The following LOXHD1 variants were observed in gnomAD, a reference collection of about 807,000 sequenced individuals.
The protein encoded by LOXHD1 is lipoxygenase homology domain-containing protein 1.
LOXHD1 carries 205 observed loss-of-function variants against 248.2 expected under a neutral mutation model. The observed-to-expected ratio is 0.83, with a 90% CI of 0.74 to 0.93. The LOEUF is 0.93. Ranked by LOEUF, LOXHD1 falls within the 40% of genes least tolerant of loss-of-function variation. The pLI, the probability that LOXHD1 is intolerant of heterozygous loss-of-function variation, is 0.00. For missense variants in LOXHD1, 2,930 were observed against 2,971.6 expected (o/e 0.99, Z 0.33); for synonymous variants, 1,113 against 1,162.8 (o/e 0.96, Z 0.87).
chr18:46,495,548 T>C (rs117856279), intron 37 of LOXHD1, among the ~76,000 whole-genome samples: 2 of 152,338 alleles, frequency 1.3e-5, no homozygotes, highest in East Asian at 3.9e-4. Context: ...GTATCCACTA[T>C]TCAATGTTAG....
chr18:46,550,579 C>CAAAAAAAAAAAAAAA (rs754046200), intron 21 of LOXHD1, among the ~76,000 whole-genome samples: 3 of 45,470 alleles, frequency 6.6e-5, no homozygotes, highest in African/African-American at 1.5e-4. Context: ...GACTCCGTCT[C>CAAAAAAAAAAAAAAA]AAAAAAAAAA....
At chr18:46,588,738 T>C (rs143848847) in intron 12 of LOXHD1, among the ~76,000 whole-genome samples, 1 of 152,328 alleles carries the variant, frequency 6.6e-6, no homozygotes, top group African/African-American at 2.4e-5. Context: ...CTCTCTGGTG[T>C]CCTCTCTCTG....
At chr18:46,573,285 C>T (rs2037791884) in intron 14 of LOXHD1, among the ~76,000 whole-genome samples, 3 of 152,128 alleles carry the variant, frequency 2.0e-5, no homozygotes, top group Admixed American at 2.0e-4. Flanking sequence ...GGTCATCCAC[C>T]AGGCGGAAAG....
intron 33 of LOXHD1, chr18:46,520,154 G>A (rs940344938): frequency 2.0e-5 from 9 of 454,552 alleles, no homozygotes; most frequent in South Asian, 3.1e-5. Flanking sequence ...TATAGAAAGT[G>A]CTGCTCTCTG....
At chr18:46,582,088 A>T (rs989110803) in intron 12 of LOXHD1, among the ~76,000 whole-genome samples, 2 of 152,244 alleles carry the variant, frequency 1.3e-5, no homozygotes, top group African/African-American at 2.4e-5. Context: ...CACCTGATAG[A>T]TAGAATAAAG....
chr18:46,555,430 C>T (rs973223929), intron 21 of LOXHD1: 1 of 225,646 alleles, frequency 4.4e-6, no homozygotes, highest in Non-Finnish European at 8.9e-6. Context: ...CACAGAAAAC[C>T]ATGACAATGG....
chr18:46,485,476 G>A (rs34010348), intron 38 of LOXHD1, among the ~76,000 whole-genome samples: 2,583 of 152,166 alleles, frequency 0.017, 38 homozygotes, highest in Non-Finnish European at 0.029. Context: ...TGCTGAGAAG[G>A]GACAAGAAGT....
chr18:46,656,950 C>T lies in LOXHD1; in HGVS notation c.84G>A (p.Ser28=). 4.5e-6 allele frequency: 7 copies of T among 1,551,628 alleles called. No homozygotes were observed. The highest frequency in any genetic ancestry group is 1.2e-5 in the South Asian group (1 of 84,068). Residue 28 remains serine (S), a synonymous_variant, in exon 1 of 41, where the codon TCG becomes TCA. Coordinates refer to ENST00000642948, the MANE Select transcript of LOXHD1 (RefSeq NM_001384474.1). ...GTTCCAGCTCCCCCTCGTCGTCCTCCGAGGCGTAGTTCAGCAGCTCCGCTT... is the reference window on the plus strand; with the variant it reads ...GTTCCAGCTCCCCCTCGTCGTCCTCTGAGGCGTAGTTCAGCAGCTCCGCTT... ...LYEAELLNYA[S]EDDEGELEHE...
At chr18:46,504,690 C>T (rs1326818911) in intron 37 of LOXHD1, among the ~76,000 whole-genome samples, 4 of 152,154 alleles carry the variant, frequency 2.6e-5, no homozygotes, top group Non-Finnish European at 4.4e-5. Flanking sequence ...TGCAAACTAC[C>T]GAGTTGGGTT....
chr18:46,633,189 A>G (rs1024420756), intron 4 of LOXHD1, among the ~76,000 whole-genome samples: 10 of 152,228 alleles, frequency 6.6e-5, no homozygotes, highest in African/African-American at 2.4e-4. Context: ...AAAAAGAACA[A>G]AAGTTTGAGG....
At chr18:46,484,922 A>G (rs531006222) in intron 39 of LOXHD1, 97 bp downstream of exon 39, 1 of 1,442,490 alleles carries the variant, frequency 6.9e-7, no homozygotes, top group Admixed American at 2.1e-5. Flanking sequence ...GGTTAGGCCC[A>G]TTTGTGTACC....
chr18:46,611,099 T>C (rs1188157803), intron 5 of LOXHD1, among the ~76,000 whole-genome samples, 175 bp from the exon 6 acceptor site: 2 of 152,204 alleles, frequency 1.3e-5, no homozygotes, highest in Non-Finnish European at 2.9e-5. Context: ...GAGGTTTGCT[T>C]CATGTGTGGC....
chr18:46,524,920 G>A lies in LOXHD1; in HGVS notation c.4531-3C>T. Reference sequence around the variant, plus strand: ...GCCTCGATGATGAAGGTGTCAGCCTGGGGAGCCCAGATGTGGGGACTCATA... The same window carrying A: ...GCCTCGATGATGAAGGTGTCAGCCTAGGGAGCCCAGATGTGGGGACTCATA... On this transcript the variant is annotated splice_region_variant and splice_polypyrimidine_tract_variant and intron_variant, in intron 29 of 40. Transcript: ENST00000642948. 3.2e-6 allele frequency: 5 copies of A among 1,551,568 alleles called. No individual in the cohort carries two copies. The highest frequency in any genetic ancestry group is 4.4e-6 in the Non-Finnish European group (5 of 1,146,972).
intron 5 of LOXHD1, among the ~76,000 whole-genome samples, chr18:46,612,594 T>C (rs2038524832): frequency 6.6e-6 from 1 of 152,148 alleles, no homozygotes; most frequent in Non-Finnish European, 1.5e-5. Flanking sequence ...CATACAGATA[T>C]TTTTCTTGTT....
At position 46,601,234 on chromosome 18, in the gene LOXHD1, C is replaced by T; in HGVS notation, c.1117G>A (p.Gly373Ser). 6.4e-7 allele frequency: 1 copy of T among 1,551,542 alleles called. No individual in the cohort carries two copies. The highest frequency in any genetic ancestry group is 1.2e-5 in the South Asian group (1 of 84,062). ...TCCCTTACCTTCTCACAGAACCAGC[C>T]TCTGTTGACACCCACATTGCCATGC... ...VGHGNVGVNR[G>S]WFCEKVVILC... The change falls in exon 8 of 41, where the codon GGC (glycine) becomes AGC (serine). Residue 373 changes from glycine (G) to serine (S), a missense_variant. Transcript: ENST00000642948.
chr18:46,557,320 G>T, intron 21 of LOXHD1, 36 bp downstream of exon 21: 1 of 1,551,898 alleles, frequency 6.4e-7, no homozygotes, highest in Non-Finnish European at 8.7e-7. Context: ...CTCCCTCAGA[G>T]CAACACCCCT....
chr18:46,582,255 A>G (rs2037978018), intron 12 of LOXHD1, among the ~76,000 whole-genome samples: 1 of 152,242 alleles, frequency 6.6e-6, no homozygotes, highest in Non-Finnish European at 1.5e-5. Context: ...GATGCAATTT[A>G]TATTACAATA....
intron 12 of LOXHD1, among the ~76,000 whole-genome samples, chr18:46,587,413 G>A (rs2038082214): frequency 6.6e-6 from 1 of 152,156 alleles, no homozygotes; most frequent in Non-Finnish European, 1.5e-5. Context: ...AAATGATAAG[G>A]GAATTTAGAA....
rs570523874 is a variant in LOXHD1, at chr18:46,566,121, C to T, written c.2437+136G>A. On this transcript the variant is annotated intron_variant, in intron 17 of 40. Coordinates refer to ENST00000642948, the MANE Select transcript of LOXHD1 (RefSeq NM_001384474.1). ...CATAGTACCAGAAGCAGTGAAAGCC[C>T]CCATTTTCTCCCTGCAGGACCCTAC... 2,127 of 912,314 alleles carry T rather than the reference C, an allele frequency of 2.3e-3. 4 individuals carry two copies. The highest frequency in any genetic ancestry group is 2.6e-3 in the Non-Finnish European group (1,634 of 628,580). 56.5% of individuals were successfully genotyped at this position (912,314 alleles called of 1,614,324 possible).
Sources: allele counts gnomAD v4.1 joint callset (sites outside exome capture counted in the v4.1 genomes callset), GRCh38; gene constraint gnomAD v4.1.1; transcripts MANE v1.5; gene names NCBI Gene and HGNC (gene_info 2026-07-23, HGNC 2026-07-21).